Variants in STK32B observed in about 807,000 individuals in gnomAD.
STK32B encodes serine/threonine kinase 32B.
Under a neutral mutation model 52.6 loss-of-function variants are expected in STK32B, and 43 were observed. The ratio of observed to expected loss-of-function variants is 0.82; its 90% CI spans 0.64 to 1.05. The LOEUF (loss-of-function observed/expected upper bound fraction) is 1.05, where lower values mean the gene tolerates loss of function less well. Among genes scored for constraint, STK32B ranks in the 50% least tolerant of loss-of-function variants. STK32B has a pLI of 0.00. For missense variants in STK32B, 621 were observed against 534.6 expected (o/e 1.16, Z -1.59); for synonymous variants, 238 against 204.3 (o/e 1.17, Z -1.41).
chr4:5,239,365 G>A (rs1276075669), intron 3 of STK32B, among the ~76,000 whole-genome samples: 1 of 152,162 alleles, frequency 6.6e-6, no homozygotes, highest in African/African-American at 2.4e-5. Context: ...AATAGAATTG[G>A]AGGCAGGCAG....
At chr4:5,147,328 G>C (rs950635663) in intron 2 of STK32B, among the ~76,000 whole-genome samples, 33 of 151,284 alleles carry the variant, frequency 2.2e-4, no homozygotes, top group African/African-American at 7.9e-4. Context: ...AGTTGTGATA[G>C]TTGTTTTGTA....
rs1193462359 is a variant in STK32B, at chr4:5,489,621, A to ATTTTTTTTTTTTTTTTTTTTTTTTTT, written c.1107-9318_1107-9317insTTTTTTTTTTTTTTTTTTTTTTTTTT. On this transcript the variant is annotated intron_variant, in intron 11 of 11. Coordinates refer to ENST00000282908, the MANE Select transcript of STK32B (RefSeq NM_018401.3). Reference sequence around the variant, plus strand: ...ACAACAATTTTATTTTATTTTATTTATTTTTTATTATTTTTTTTGAGATGG... The same window carrying ATTTTTTTTTTTTTTTTTTTTTTTTTT: ...ACAACAATTTTATTTTATTTTATTTATTTTTTTTTTTTTTTTTTTTTTTTTTTTTTTTATTATTTTTTTTGAGATGG... 3.3e-5 allele frequency among the ~76,000 whole-genome samples: 5 copies of ATTTTTTTTTTTTTTTTTTTTTTTTTT among 151,706 alleles called. No individual in the cohort carries two copies. The East Asian group carries it at 1.0e-3, about 30-fold the overall frequency.
chr4:5,060,524 G>A (rs988888047), intron 1 of STK32B, among the ~76,000 whole-genome samples: 2 of 151,626 alleles, frequency 1.3e-5, no homozygotes, highest in African/African-American at 2.4e-5. Flanking sequence ...GTTTTCTTCT[G>A]TACACTTTTT....
In STK32B at chr4:5,105,737, G is replaced by A. The variant is rs371535754; in HGVS notation, c.53-34168G>A. 5.9e-4 allele frequency among the ~76,000 whole-genome samples: 89 copies of A among 151,762 alleles called. 2 individuals are homozygous for A. In the South Asian group the frequency reaches 0.018, roughly 31 times the overall value. On this transcript the variant is annotated intron_variant, in intron 1 of 11. Transcript: ENST00000282908. ...CGCCACCACGCCTGGCTAATTTTTTGTATTTTTAATAGAGACAGGGTTTCA... is the reference window on the plus strand; with the variant it reads ...CGCCACCACGCCTGGCTAATTTTTTATATTTTTAATAGAGACAGGGTTTCA...
At chr4:5,265,553 T>C (rs1727005232) in intron 3 of STK32B, among the ~76,000 whole-genome samples, 1 of 152,242 alleles carries the variant, frequency 6.6e-6, no homozygotes, top group Non-Finnish European at 1.5e-5. Flanking sequence ...ACACATTTGC[T>C]GTAGAGAACT....
At chr4:5,100,866 C>CT in intron 1 of STK32B, among the ~76,000 whole-genome samples, 2 of 142,050 alleles carry the variant, frequency 1.4e-5, no homozygotes, top group Admixed American at 1.5e-4. Flanking sequence ...CTTTCCTCTC[C>CT]TTCCTTCCTT....
intron 7 of STK32B, among the ~76,000 whole-genome samples, chr4:5,454,289 A>C (rs1333193608): frequency 6.6e-6 from 1 of 152,114 alleles, no homozygotes; most frequent in African/African-American, 2.4e-5. Context: ...TGGCTTAAAC[A>C]GAAATTATTC....
At chr4:5,358,741 A>C (rs1204985138) in intron 4 of STK32B, among the ~76,000 whole-genome samples, 1 of 152,086 alleles carries the variant, frequency 6.6e-6, no homozygotes, top group African/African-American at 2.4e-5. Flanking sequence ...AAAGGCACAC[A>C]GTTGCATATA....
At chr4:5,494,446 C>G (rs1002265060) in intron 11 of STK32B, among the ~76,000 whole-genome samples, 8 of 151,778 alleles carry the variant, frequency 5.3e-5, no homozygotes, top group Non-Finnish European at 1.2e-4. Flanking sequence ...TCCTCCATCC[C>G]TTTATTTTGA....
intron 3 of STK32B, among the ~76,000 whole-genome samples, chr4:5,200,191 A>G (rs886904493): frequency 6.6e-6 from 1 of 151,804 alleles, no homozygotes; most frequent in African/African-American, 2.4e-5. Flanking sequence ...ATTACTCTTA[A>G]CAGGTTGAAG....
rs1736957577 is a variant in STK32B, at chr4:5,396,932, C to T, written c.435-1275C>T. ...TCCCTACGGGTCTCTGCGGTAATCT[C>T]TTTGTTCACAGTGGAGGCTTTGTGA... On this transcript the variant is annotated intron_variant, in intron 4 of 11. Transcript: ENST00000282908. This position sits in a 1 kb window ranked among gnomAD's most constrained non-coding sequence, Gnocchi z 4.7. Among the ~76,000 whole-genome samples the T allele has an allele frequency of 1.3e-5, 2 of 152,200 alleles. No individual in the cohort carries two copies. The highest frequency in any genetic ancestry group is 2.9e-5 in the Non-Finnish European group (2 of 68,034).
chr4:5,306,617 G>T (rs913671055), intron 3 of STK32B, among the ~76,000 whole-genome samples: 1 of 152,118 alleles, frequency 6.6e-6, no homozygotes, highest in Admixed American at 6.6e-5. Context: ...CTCTTAAATG[G>T]AGCATTTAGG....
chr4:5,130,122 G>C (rs898733068), intron 1 of STK32B, among the ~76,000 whole-genome samples: 2 of 151,756 alleles, frequency 1.3e-5, no homozygotes, highest in Non-Finnish European at 2.9e-5. Context: ...GAGTACCAAG[G>C]GAGGTGACCC....
At chr4:5,157,149 A>G (rs565143268) in intron 2 of STK32B, among the ~76,000 whole-genome samples, 1 of 152,248 alleles carries the variant, frequency 6.6e-6, no homozygotes, top group Admixed American at 6.5e-5. Context: ...TTAAAAATGT[A>G]TTCTTTTAGA....
intron 3 of STK32B, among the ~76,000 whole-genome samples, chr4:5,247,523 G>A (rs1396451819): frequency 2.0e-5 from 3 of 152,124 alleles, no homozygotes; most frequent in Non-Finnish European, 2.9e-5. Context: ...GCACTTCTCG[G>A]GTGAGGCGAT....
At chr4:5,355,378 C>CA (rs1261246188) in intron 4 of STK32B, among the ~76,000 whole-genome samples, 1 of 152,176 alleles carries the variant, frequency 6.6e-6, no homozygotes, top group Admixed American at 6.5e-5. Context: ...TAGTAGTCTA[C>CA]ATGCCCAGAC....
the STK32B span, among the ~76,000 whole-genome samples, chr4:5,034,744 C>T: frequency 1.3e-5 from 2 of 152,302 alleles, no homozygotes; most frequent in Non-Finnish European, 1.5e-5. Flanking sequence ...TTGGTCTCAG[C>T]CCTTGAACAA....
intron 3 of STK32B, among the ~76,000 whole-genome samples, chr4:5,254,455 T>A (rs1017470502): frequency 2.0e-5 from 3 of 152,330 alleles, no homozygotes; most frequent in African/African-American, 7.2e-5. Flanking sequence ...AATTTTTGTA[T>A]ATAAATACTT....
At chr4:5,022,664 G>A in the STK32B span, among the ~76,000 whole-genome samples, 2,676 of 152,344 alleles carry the variant, frequency 0.018, 25 homozygotes, top group South Asian at 0.053. Flanking sequence ...TCATGCAGGA[G>A]AGCTGAAGAG....
Sources: allele counts gnomAD v4.1 joint callset (sites outside exome capture counted in the v4.1 genomes callset), GRCh38; gene constraint gnomAD v4.1.1; non-coding constraint Gnocchi (gnomAD v3.1); transcripts MANE v1.5; gene names NCBI Gene and HGNC (gene_info 2026-07-23, HGNC 2026-07-21).